SYT1: variants seen among roughly 807,000 people sequenced by gnomAD.
SYT1 encodes synaptotagmin 1.
In SYT1, 8 loss-of-function variants were observed where a neutral mutation model predicts 44.8. The ratio of observed to expected loss-of-function variants is 0.18; its 90% CI spans 0.10 to 0.32. The LOEUF (loss-of-function observed/expected upper bound fraction) is 0.32, where lower values mean the gene tolerates loss of function less well. Ranked by LOEUF, SYT1 falls within the 10% of genes least tolerant of loss-of-function variation. The pLI is 1.00. For synonymous variants in SYT1, 154 were observed against 188.8 expected, an observed-to-expected ratio of 0.82 and a Z score of 1.51; for missense variants, 286 against 509.3, an observed-to-expected ratio of 0.56 and a Z score of 4.22.
chr12:78,925,745 G>A (rs575576504), intron 1 of SYT1, among the ~76,000 whole-genome samples: 67 of 151,602 alleles, frequency 4.4e-4, no homozygotes, highest in Middle Eastern at 3.4e-3. Context: ...TCTAATAATC[G>A]CGCTTTTTCT....
chr12:79,348,177 C>G (rs1011055767), intron 8 of SYT1, among the ~76,000 whole-genome samples: 1 of 152,098 alleles, frequency 6.6e-6, no homozygotes, highest in East Asian at 1.9e-4. Flanking sequence ...AGGATTGTCC[C>G]ATGATCAGAT....
At chr12:79,276,738 C>A (rs191262658) in intron 4 of SYT1, among the ~76,000 whole-genome samples, 2 of 150,362 alleles carry the variant, frequency 1.3e-5, no homozygotes, top group African/African-American at 2.4e-5. Context: ...AATTACACAA[C>A]GCAGTTGAAA....
intron 3 of SYT1, among the ~76,000 whole-genome samples, chr12:79,216,025 G>A (rs565847106): frequency 1.5e-5 from 2 of 135,672 alleles, no homozygotes; most frequent in African/African-American, 2.7e-5. Context: ...TCTGCCTCCC[G>A]GGTTCAAGCT....
rs144920427 is a variant in SYT1 at position 79,120,390 on chromosome 12, C to T, written c.-18+73028C>T. On this transcript the variant is annotated intron_variant, in intron 3 of 10. Coordinates refer to ENST00000261205, the MANE Select transcript of SYT1 (RefSeq NM_005639.3). ...TATTCCCATGTAACAAATCTGCACC[C>T]GTACCTACTGTATCTAAAATCAAAG... Among the ~76,000 whole-genome samples the T allele has an allele frequency of 1.5e-4, 23 of 151,916 alleles. No individual in the cohort carries two copies. The East Asian group carries it at 4.1e-3, about 27-fold the overall frequency.
chr12:78,903,211 T>C (rs1592540718), intron 1 of SYT1, among the ~76,000 whole-genome samples: 1 of 151,690 alleles, frequency 6.6e-6, no homozygotes, highest in African/African-American at 2.4e-5. Context: ...AAAAGAGTTT[T>C]GTGTTTTATA....
At chr12:79,394,218 G>T (rs1470426065) in intron 9 of SYT1, among the ~76,000 whole-genome samples, 1 of 152,202 alleles carries the variant, frequency 6.6e-6, no homozygotes. Flanking sequence ...ATAGCACCTG[G>T]TAAATGCTAG....
At chr12:79,208,743 A>G (rs935792865) in intron 3 of SYT1, among the ~76,000 whole-genome samples, 1 of 152,220 alleles carries the variant, frequency 6.6e-6, no homozygotes, top group African/African-American at 2.4e-5. Context: ...CATCTTCAGC[A>G]TAACACCTCT....
At chr12:79,301,436 C>T (rs12146837) in intron 8 of SYT1, among the ~76,000 whole-genome samples, 52,470 of 151,908 alleles carry the variant, frequency 0.35, 9,412 homozygotes, top group East Asian at 0.59. Flanking sequence ...ACCAGGCTGA[C>T]GGGTTTCACT....
chr12:79,155,751 T>C (rs919392283), intron 3 of SYT1, among the ~76,000 whole-genome samples: 7 of 152,242 alleles, frequency 4.6e-5, no homozygotes, highest in Non-Finnish European at 1.0e-4. Context: ...CAAACTTCTC[T>C]GACAGACTTT....
chr12:79,197,849 T>A (rs1873554430), intron 3 of SYT1, among the ~76,000 whole-genome samples: 1 of 152,162 alleles, frequency 6.6e-6, no homozygotes, highest in East Asian at 1.9e-4. Flanking sequence ...AGAAAAAGTA[T>A]ATTTTTTAAC....
chr12:79,011,168 C>A (rs959422886), intron 2 of SYT1, among the ~76,000 whole-genome samples: 1 of 152,100 alleles, frequency 6.6e-6, no homozygotes. Context: ...AAGGAAGAGA[C>A]CACAGTCTTC....
chr12:79,396,162 T>A (rs1884862076), intron 9 of SYT1, among the ~76,000 whole-genome samples: 1 of 152,178 alleles, frequency 6.6e-6, no homozygotes, highest in African/African-American at 2.4e-5. Context: ...AAGAGTATGC[T>A]AATGGAGTTC....
At chr12:79,011,998 G>T (rs1183176435) in intron 2 of SYT1, among the ~76,000 whole-genome samples, 1 of 151,940 alleles carries the variant, frequency 6.6e-6, no homozygotes, top group African/African-American at 2.4e-5. Flanking sequence ...TGGGCATGGT[G>T]GTGTGCACCT....
intron 3 of SYT1, among the ~76,000 whole-genome samples, chr12:79,140,643 T>C (rs1002626700): frequency 3.3e-5 from 5 of 152,168 alleles, no homozygotes; most frequent in African/African-American, 1.2e-4. Flanking sequence ...CAGCACCTCA[T>C]TGCATCTGGT....
chr12:79,324,424 C>A (rs1881515473), intron 8 of SYT1, among the ~76,000 whole-genome samples: 1 of 152,250 alleles, frequency 6.6e-6, no homozygotes, highest in Admixed American at 6.5e-5. Flanking sequence ...ACCCACATGA[C>A]CCCGCCTTCA....
intron 3 of SYT1, among the ~76,000 whole-genome samples, chr12:79,126,048 C>T (rs1242032586): frequency 6.6e-6 from 1 of 152,128 alleles, no homozygotes; most frequent in African/African-American, 2.4e-5. Context: ...TGGCAGAAAA[C>T]TTCAGCAATA....
chr12:78,909,216 TAA>T (rs750692513), intron 1 of SYT1, among the ~76,000 whole-genome samples: 8 of 150,914 alleles, frequency 5.3e-5, no homozygotes, highest in Non-Finnish European at 1.0e-4. Flanking sequence ...TTATCTAATA[TAA>T]GTGTATGATT....
At chr12:79,309,454 A>G (rs1880652025) in intron 8 of SYT1, among the ~76,000 whole-genome samples, 1 of 151,890 alleles carries the variant, frequency 6.6e-6, no homozygotes, top group Non-Finnish European at 1.5e-5. Flanking sequence ...AACATGAAAG[A>G]TTAGGAAAAG....
At chr12:78,944,155 C>T (rs1878531319) in intron 1 of SYT1, among the ~76,000 whole-genome samples, 1 of 151,304 alleles carries the variant, frequency 6.6e-6, no homozygotes, top group Admixed American at 6.6e-5. Flanking sequence ...CTAAAAGATG[C>T]TTAATGTTCA....
Sources: allele counts gnomAD v4.1 joint callset (sites outside exome capture counted in the v4.1 genomes callset), GRCh38; gene constraint gnomAD v4.1.1; transcripts MANE v1.5; gene names NCBI Gene and HGNC (gene_info 2026-07-23, HGNC 2026-07-21).